NCAPG: variants seen among roughly 807,000 people sequenced by gnomAD.
NCAPG encodes non-SMC condensin I complex subunit G.
NCAPG carries 69 observed loss-of-function variants against 113.1 expected under a neutral mutation model. The observed-to-expected ratio is 0.61, with a 90% CI of 0.50 to 0.75. NCAPG has a LOEUF of 0.75. NCAPG is among the 30% of genes least tolerant of loss of function. The pLI, the probability that NCAPG is intolerant of heterozygous loss-of-function variation, is 0.00. For synonymous variants in NCAPG, 370 were observed against 415.8 expected (o/e 0.89, Z 1.34); for missense variants, 1,058 against 1,177.0 (o/e 0.90, Z 1.48).
At chr4:17,817,089 GT>G (rs1160249452) in intron 5 of NCAPG, 171 bp from the exon 6 acceptor site, 5 of 510,122 alleles carry the variant, frequency 9.8e-6, no homozygotes, top group African/African-American at 2.0e-5. Flanking sequence ...CTCCAGCCTG[GT>G]GACAGAGCGA....
intron 14 of NCAPG, among the ~76,000 whole-genome samples, chr4:17,836,080 C>T (rs1019199884): frequency 3.9e-5 from 6 of 152,204 alleles, no homozygotes; most frequent in Non-Finnish European, 7.4e-5. Context: ...TTTCCATCTT[C>T]AGTGTAGAAG....
chr4:17,834,832 C>T (rs1017407908), intron 14 of NCAPG, among the ~76,000 whole-genome samples: 1 of 152,118 alleles, frequency 6.6e-6, no homozygotes, highest in East Asian at 1.9e-4. Flanking sequence ...TTTGGATAGA[C>T]ATTTTTTATT....
intron 7 of NCAPG, among the ~76,000 whole-genome samples, chr4:17,818,508 A>G (rs1264741950): frequency 6.6e-6 from 1 of 152,232 alleles, no homozygotes; most frequent in Non-Finnish European, 1.5e-5. Flanking sequence ...CTGTTTTTCA[A>G]TAAAACTTTT....
In NCAPG at chr4:17,837,298, A is replaced by G. The variant is rs1416963802; in HGVS notation, c.2249A>G (p.His750Arg). Reference sequence around the variant, plus strand: ...ACTGAAGAGGATGTTCAACTTCGACATTGCCTAGGCGTGTTCTTCCCCGTG... The same window carrying G: ...ACTGAAGAGGATGTTCAACTTCGACGTTGCCTAGGCGTGTTCTTCCCCGTG... ...PVTEEDVQLRHCLGVFFPVFA... is the reference protein window; with the variant it reads ...PVTEEDVQLRRCLGVFFPVFA... Residue 750 changes from histidine (H) to arginine (R), a missense_variant, in exon 15 of 21, where the codon CAT (histidine) becomes CGT (arginine). His to Arg is a conservative substitution (Grantham distance 29). Transcript: ENST00000251496. 6.2e-7 allele frequency: 1 copy of G among 1,613,840 alleles called. No individual in the cohort carries two copies. Among genetic ancestry groups the G allele is most frequent in the Non-Finnish European group, 8.5e-7 (1 of 1,179,934 alleles).
chr4:17,823,214 ACCCTAG>A, intron 8 of NCAPG, 91 bp downstream of exon 8: 1 of 1,247,756 alleles, frequency 8.0e-7, no homozygotes, highest in South Asian at 1.4e-5. Context: ...AAACATATTT[ACCCTAG>A]CTCTCTAAAG....
At chr4:17,841,434 T>A (rs1459463758) in intron 19 of NCAPG, 1 of 151,980 alleles carries the variant, frequency 6.6e-6, no homozygotes, top group East Asian at 1.9e-4. Context: ...ATTATTTAAA[T>A]ACCAATTGCT....
At chr4:17,815,075 T>C (rs2109043674) in intron 4 of NCAPG, 77 bp downstream of exon 4, 1 of 1,556,628 alleles carries the variant, frequency 6.4e-7, no homozygotes, top group Non-Finnish European at 8.8e-7. Flanking sequence ...CTTTGAAAAA[T>C]ACTTGGCATG....
At chr4:17,821,873 A>T (rs767909949) in intron 7 of NCAPG, among the ~76,000 whole-genome samples, 1 of 152,136 alleles carries the variant, frequency 6.6e-6, no homozygotes, top group Non-Finnish European at 1.5e-5. Flanking sequence ...TTCTGCTTTT[A>T]AGTAGCTTTT....
chr4:17,823,633 C>G lies in NCAPG; in HGVS notation c.1260-14C>G, dbSNP rs1336231396. 1 of 1,599,720 alleles carries G rather than the reference C, an allele frequency of 6.3e-7. No homozygotes were observed. The highest frequency in any genetic ancestry group is 1.4e-5 in the African/African-American group (1 of 74,026). ...TGTCATAATAATATTTAAATTAGTT[C>G]TTTTTGACTGCAGAAAAAAACTGCT... On this transcript the variant is annotated splice_polypyrimidine_tract_variant and intron_variant, in intron 8 of 20. Coordinates refer to ENST00000251496, the MANE Select transcript of NCAPG (RefSeq NM_022346.5).
intron 3 of NCAPG, 130 bp from the exon 4 acceptor site, chr4:17,814,723 C>T (rs1258114371): frequency 3.9e-6 from 4 of 1,036,412 alleles, no homozygotes; most frequent in South Asian, 1.6e-5. Flanking sequence ...TGGTTATAGG[C>T]AGTAGCCATC....
In NCAPG at chr4:17,811,685, A is replaced by T. The variant is rs1288422266; in HGVS notation, c.111+497A>T. Among the ~76,000 whole-genome samples the T allele has an allele frequency of 6.6e-6, 1 of 152,228 alleles. No homozygotes were observed. Among genetic ancestry groups the T allele is most frequent in the Non-Finnish European group, 1.5e-5 (1 of 68,038 alleles). On this transcript the variant is annotated intron_variant, in intron 1 of 20. Transcript: ENST00000251496. This position sits in a 1 kb window ranked among gnomAD's most constrained non-coding sequence, Gnocchi z 5.3. ...ACCAAATTATTTTTAGGGCCTGGCC[A>T]TTCTTATTTATGTACATACTATTTG...
At chr4:17,823,431 A>T (rs1303036350) in intron 8 of NCAPG, among the ~76,000 whole-genome samples, 1 of 152,104 alleles carries the variant, frequency 6.6e-6, no homozygotes, top group Non-Finnish European at 1.5e-5. Flanking sequence ...ATGTTGATTT[A>T]TTAAAAATCA....
intron 20 of NCAPG, 60 bp from the exon 21 acceptor site, chr4:17,843,242 T>TATAA: frequency 6.5e-7 from 1 of 1,544,850 alleles, no homozygotes; most frequent in Non-Finnish European, 8.8e-7. Context: ...AAGTTTTATT[T>TATAA]ATAAATAAAC....
Position 17,834,489 on chromosome 4 carries a change from T to A in NCAPG, c.2075T>A (p.Val692Asp). The part of the protein sequence containing the change: ...EVEETATAKN[V>D]LKLLSDFLDS... ...GAAGAGACTGCTACAGCTAAGAATG[T>A]TCTGAAACTCCTTTCTGATTTCTTA... Residue 692 changes from valine to aspartate, a missense_variant, in exon 14 of 21, where the codon GTT (valine) becomes GAT (aspartate). Transcript: ENST00000251496. 1 of 1,598,294 alleles carries A rather than the reference T, an allele frequency of 6.3e-7. No homozygotes were observed. The highest frequency in any genetic ancestry group is 2.3e-5 in the East Asian group (1 of 44,076).
rs1482336375 is a variant in NCAPG at position 17,812,977 on chromosome 4, T to C, written c.376T>C (p.Leu126=). ...AGTGTGCCTGCTCATAAACAAGCTT[T>C]TGGGAAGTATGCCAGAAAATGCTCA... The part of the protein sequence containing the change: ...FRVCLLINKL[L]GSMPENAQID... The change falls in exon 3 of 21, where the codon TTG becomes CTG. Residue 126 remains leucine (L), a synonymous_variant. Coordinates refer to ENST00000251496, the MANE Select transcript of NCAPG (RefSeq NM_022346.5). The C allele has an allele frequency of 2.5e-6, 4 of 1,613,908 alleles. No individual in the cohort carries two copies. In the African/African-American group the frequency reaches 4.0e-5, roughly 16 times the overall value.
At chr4:17,826,108 G>A (rs1329729512) in intron 11 of NCAPG, among the ~76,000 whole-genome samples, 1 of 152,040 alleles carries the variant, frequency 6.6e-6, no homozygotes, top group Non-Finnish European at 1.5e-5. Flanking sequence ...TAAAAAATTA[G>A]TTTGTTAAAG....
chr4:17,840,012 A>G lies in NCAPG; in HGVS notation c.2629-59A>G, dbSNP rs141340817. 2.7e-4 allele frequency: 409 copies of G among 1,542,694 alleles called. 9 individuals carry two copies. In the East Asian group the frequency reaches 9.3e-3, roughly 35 times the overall value. On this transcript the variant is annotated intron_variant, in intron 17 of 20. Coordinates refer to ENST00000251496, the MANE Select transcript of NCAPG (RefSeq NM_022346.5). ...AAACAACTTGATATGTATTGGTACT[A>G]TTTTCAAAGATTAGGGAATGCGGTG...
intron 18 of NCAPG, 39 bp from the exon 19 acceptor site, chr4:17,840,568 G>T: frequency 8.6e-7 from 1 of 1,157,968 alleles, no homozygotes. Flanking sequence ...ATTTCATGAG[G>T]TTATCTTATT....
At chr4:17,812,074 G>T in intron 1 of NCAPG, 147 bp from the exon 2 acceptor site, 1 of 623,634 alleles carries the variant, frequency 1.6e-6, no homozygotes, top group South Asian at 1.9e-5. Flanking sequence ...TTGCCCTTTG[G>T]CTGGTTTGGA....
Sources: gnomAD v4.1 joint callset for allele counts (sites outside exome capture counted in the v4.1 genomes callset) on GRCh38, gnomAD v4.1.1 for gene constraint, Gnocchi (gnomAD v3.1) non-coding constraint, MANE v1.5 for transcripts, NCBI Gene and HGNC (gene_info 2026-07-23, HGNC 2026-07-21) for gene names.